The following CCAR1 variants were observed in gnomAD, a reference collection of about 807,000 sequenced individuals.
The protein encoded by CCAR1 is cell division cycle and apoptosis regulator protein 1.
CCAR1 carries 78 observed loss-of-function variants against 163.8 expected under a neutral mutation model. The ratio of observed to expected loss-of-function variants is 0.48; its 90% confidence interval spans 0.40 to 0.57. The LOEUF (loss-of-function observed/expected upper bound fraction) is 0.57. Ranked by LOEUF, CCAR1 falls within the 20% of genes least tolerant of loss-of-function variation. The pLI is 0.00. For missense variants in CCAR1, 1,019 were observed against 1,365.2 expected, an observed-to-expected ratio of 0.75 and a Z score of 4.00; for synonymous variants, 443 against 460.7, an observed-to-expected ratio of 0.96 and a Z score of 0.49.
intron 5 of CCAR1, 108 bp from the exon 6 acceptor site, chr10:68,742,268 A>G: frequency 2.6e-6 from 2 of 779,604 alleles, no homozygotes; most frequent in Non-Finnish European, 4.0e-6. Flanking sequence ...TATATCTTCT[A>G]ACATAATATG....
At chr10:68,769,670 G>A (rs561464697) in intron 17 of CCAR1, among the ~76,000 whole-genome samples, 1 of 151,926 alleles carries the variant, frequency 6.6e-6, no homozygotes, top group Admixed American at 6.5e-5. Context: ...GGCCAGGCGT[G>A]GTGGCTCACG....
intron 17 of CCAR1, among the ~76,000 whole-genome samples, chr10:68,768,001 TTTAA>T (rs1428442562): frequency 2.6e-5 from 4 of 152,218 alleles, no homozygotes; most frequent in African/African-American, 9.6e-5. Flanking sequence ...TATTACTGTG[TTTAA>T]TTATTGTATC....
At chr10:68,725,721 C>A (rs947024940) in intron 2 of CCAR1, among the ~76,000 whole-genome samples, 1 of 152,010 alleles carries the variant, frequency 6.6e-6, no homozygotes, top group African/African-American at 2.4e-5. Context: ...CTTAAAATAT[C>A]TTTTTTAATT....
chr10:68,722,248 T>C (rs1350413710), intron 1 of CCAR1, among the ~76,000 whole-genome samples: 1 of 152,196 alleles, frequency 6.6e-6, no homozygotes, highest in Non-Finnish European at 1.5e-5. Context: ...TCTTGTAAAA[T>C]AGGGCATTTT....
At position 68,736,921 on chromosome 10, in the gene CCAR1, C is replaced by T; in HGVS notation, c.119C>T (p.Thr40Ile). The T allele has an allele frequency of 2.5e-6, 4 of 1,614,074 alleles. No individual in the cohort carries two copies. Among genetic ancestry groups the T allele is most frequent in the Non-Finnish European group, 2.5e-6 (3 of 1,179,962 alleles). ...QQPSLLGASP[T>I]IYTQQTALAA... is the part of the protein sequence containing the mutation. ...CCATCACTCCTTGGAGCATCTCCTA[C>T]CATTTATACACAGCAAACTGCATTG... The change falls in exon 3 of 25, where the codon ACC becomes ATC. Residue 40 changes from threonine to isoleucine, a missense_variant. Thr to Ile is a moderately conservative substitution (Grantham distance 89). Transcript: ENST00000265872.
intron 17 of CCAR1, among the ~76,000 whole-genome samples, chr10:68,767,383 T>A (rs2056549211): frequency 6.6e-6 from 1 of 152,134 alleles, no homozygotes; most frequent in Non-Finnish European, 1.5e-5. Context: ...TTCTCCTGCC[T>A]CAGCCTCCCG....
At chr10:68,775,069 G>A in intron 19 of CCAR1, 1 of 307,342 alleles carries the variant, frequency 3.3e-6, no homozygotes, top group Non-Finnish European at 6.2e-6. Flanking sequence ...AGATCAAAAA[G>A]TTGATAGTGC....
chr10:68,755,408 C>T lies in CCAR1; in HGVS notation c.1497C>T (p.Ala499=), dbSNP rs974461363. The T allele has an allele frequency of 1.2e-6, 2 of 1,613,988 alleles. No individual in the cohort carries two copies. Among genetic ancestry groups the T allele is most frequent in the Admixed American group, 3.3e-5 (2 of 59,968 alleles). ...VGMKGKDEAM[A]IGGHWSPSLD... ...TGAAAGGCAAGGATGAAGCTATGGC[C>T]ATTGGAGGCCACTGGTCTCCTTCGT... The change falls in exon 13 of 25, where the codon GCC becomes GCT. Residue 499 remains alanine (A), a synonymous_variant. Transcript: ENST00000265872.
intron 4 of CCAR1, 91 bp from the exon 5 acceptor site, chr10:68,740,538 A>T: frequency 2.9e-6 from 3 of 1,049,202 alleles, no homozygotes; most frequent in South Asian, 1.4e-5. Flanking sequence ...AAGTAGAATA[A>T]CTTTTATAGG....
chr10:68,728,413 G>A (rs535506949), intron 2 of CCAR1, among the ~76,000 whole-genome samples: 1 of 150,024 alleles, frequency 6.7e-6, no homozygotes, highest in African/African-American at 2.5e-5. Flanking sequence ...GTCTCACTTT[G>A]TTGCCTAGGC....
chr10:68,791,054 C>T (rs552793211), intron 24 of CCAR1, among the ~76,000 whole-genome samples, 153 bp from the exon 25 acceptor site: 2 of 152,092 alleles, frequency 1.3e-5, no homozygotes, highest in South Asian at 2.1e-4. Flanking sequence ...GTAAATGCTT[C>T]GTCACCATTA....
At chr10:68,754,917 A>AT in intron 12 of CCAR1, 90 bp downstream of exon 12, 1 of 703,306 alleles carries the variant, frequency 1.4e-6, no homozygotes, top group Non-Finnish European at 2.5e-6. Flanking sequence ...CTACATTTTA[A>AT]TATTTGTTGA....
intron 15 of CCAR1, 111 bp downstream of exon 15, chr10:68,757,488 C>T: frequency 1.8e-6 from 1 of 571,336 alleles, no homozygotes; most frequent in Non-Finnish European, 3.1e-6. Context: ...GATCTCGGCT[C>T]ACTTCAGCCT....
intron 19 of CCAR1, among the ~76,000 whole-genome samples, chr10:68,773,319 C>T (rs1230800349): frequency 1.3e-5 from 2 of 152,042 alleles, no homozygotes; most frequent in Non-Finnish European, 2.9e-5. Flanking sequence ...AATTAATACT[C>T]AATTTGGCGG....
At chr10:68,769,814 G>A (rs1019861944) in intron 17 of CCAR1, among the ~76,000 whole-genome samples, 1 of 146,134 alleles carries the variant, frequency 6.8e-6, no homozygotes, top group Non-Finnish European at 1.5e-5. Flanking sequence ...GGTGGCAGGC[G>A]CTTGTAGGCC....
intron 19 of CCAR1, among the ~76,000 whole-genome samples, chr10:68,780,396 T>C (rs1027855920): frequency 1.3e-5 from 2 of 152,210 alleles, no homozygotes; most frequent in African/African-American, 4.8e-5. Context: ...GGTCTCACTA[T>C]GATGCCCAAG....
intron 20 of CCAR1, 40 bp downstream of exon 20, chr10:68,786,258 T>A: frequency 7.8e-7 from 1 of 1,284,388 alleles, no homozygotes; most frequent in Non-Finnish European, 1.1e-6. Context: ...TATGGTGATA[T>A]CTTACATCAT....
intron 7 of CCAR1, 39 bp from the exon 8 acceptor site, chr10:68,747,335 A>G (rs534110119): frequency 6.3e-7 from 1 of 1,599,276 alleles, no homozygotes; most frequent in East Asian, 2.2e-5. Context: ...TCTAATTCAC[A>G]AAGATTTTTT....
At chr10:68,767,092 T>C (rs2056545598) in intron 17 of CCAR1, among the ~76,000 whole-genome samples, 1 of 152,198 alleles carries the variant, frequency 6.6e-6, no homozygotes, top group Non-Finnish European at 1.5e-5. Context: ...TTCTTCAGGA[T>C]ATCCATAATG....
Sources: gnomAD v4.1 joint callset for allele counts (sites outside exome capture counted in the v4.1 genomes callset) on GRCh38, gnomAD v4.1.1 for gene constraint, MANE v1.5 for transcripts, NCBI Gene and HGNC (gene_info 2026-07-23, HGNC 2026-07-21) for gene names.